ZNF699: variants seen among roughly 807,000 people sequenced by gnomAD.
ZNF699 encodes zinc finger protein 699.
Under a neutral mutation model 22.5 loss-of-function variants are expected in ZNF699, and 18 were observed. That is an observed-to-expected ratio of 0.80 (90% CI 0.55 to 1.19). The LOEUF is 1.19. ZNF699 is among the 50% of genes most tolerant of loss of function. The pLI, the probability that ZNF699 is intolerant of heterozygous loss-of-function variation, is 0.00. For missense variants in ZNF699, 670 were observed against 763.4 expected (o/e 0.88, Z 1.44); for synonymous variants, 241 against 262.3 (o/e 0.92, Z 0.78).
chr19:9,299,388 C>A (rs1225105715), intron 3 of ZNF699, among the ~76,000 whole-genome samples: 2 of 152,208 alleles, frequency 1.3e-5, no homozygotes, highest in Admixed American at 1.3e-4. Flanking sequence ...CCCGCCTCGG[C>A]CTCCCAAAGT....
chr19:9,295,197 C>G lies in ZNF699; in HGVS notation c.*278G>C. ...AATTTATCACCTTCAATGTTCCTAT[C>G]AGAAAACACTGGTAATCAACGAGCC... On this transcript the variant is annotated 3_prime_UTR_variant, in exon 6 of 6. Transcript: ENST00000591998. The G allele has an allele frequency of 2.5e-6, 1 of 406,480 alleles. No individual in the cohort carries two copies. The highest frequency in any genetic ancestry group is 4.3e-6 in the Non-Finnish European group (1 of 229,994). 25.2% of individuals were successfully genotyped at this position (406,480 alleles called of 1,614,324 possible). A position where few individuals can be genotyped will look rare whatever the true frequency, so the allele number is the denominator to read the frequency against.
At chr19:9,309,304 G>A (rs2066338785) in intron 1 of ZNF699, 46 bp downstream of exon 1, 2 of 151,774 alleles carry the variant, frequency 1.3e-5, no homozygotes, top group Admixed American at 1.3e-4. Context: ...GCATAAAGAG[G>A]GGACAGGAGG....
chr19:9,304,708 G>A (rs558444175), intron 2 of ZNF699, among the ~76,000 whole-genome samples: 23 of 152,236 alleles, frequency 1.5e-4, no homozygotes, highest in East Asian at 1.2e-3. Flanking sequence ...GACAGATCAC[G>A]AGGTCAGGAG....
intron 1 of ZNF699, among the ~76,000 whole-genome samples, chr19:9,307,414 T>C (rs1269058398): frequency 3.9e-5 from 6 of 152,184 alleles, no homozygotes; most frequent in Non-Finnish European, 7.3e-5. Context: ...ATGAATGTTA[T>C]AATATTTTGG....
chr19:9,308,263 G>A (rs4142945), intron 1 of ZNF699, among the ~76,000 whole-genome samples: 150,632 of 152,170 alleles, frequency 0.99, 74,557 homozygotes, highest in East Asian at 1. Flanking sequence ...ACAGATATGC[G>A]CCACTGCAGC....
intron 2 of ZNF699, 93 bp from the exon 3 acceptor site, chr19:9,302,597 G>C: frequency 7.3e-7 from 1 of 1,376,956 alleles, no homozygotes; most frequent in Non-Finnish European, 9.9e-7. Context: ...GGAAATGAGA[G>C]TCAATTCATA....
intron 1 of ZNF699, among the ~76,000 whole-genome samples, chr19:9,308,025 A>G (rs1413613124): frequency 6.6e-6 from 1 of 152,174 alleles, no homozygotes; most frequent in African/African-American, 2.4e-5. Context: ...ATAAAAGTTT[A>G]GAAAGAAAAT....
In ZNF699 at chr19:9,292,187, C is replaced by T. The variant is rs2066267739; in HGVS notation, c.*3288G>A. On this transcript the variant is annotated 3_prime_UTR_variant, in exon 6 of 6. Transcript: ENST00000591998. Reference sequence around the variant, plus strand: ...GATCCTACCTGCCCACTCCTTCCTCCTCCCCTCTGCATATGCCCCAAAACT... The same window carrying T: ...GATCCTACCTGCCCACTCCTTCCTCTTCCCCTCTGCATATGCCCCAAAACT... Among the ~76,000 whole-genome samples the T allele has an allele frequency of 6.6e-6, 1 of 152,150 alleles. No homozygotes were observed. Among genetic ancestry groups the T allele is most frequent in the Admixed American group, 6.5e-5 (1 of 15,268 alleles).
Position 9,295,524 on chromosome 19 carries a change from G to A in ZNF699, c.1880C>T (p.Pro627Leu). ...TTTCACATGCCTTCGAAAGTAGGCA[G>A]GACAAACAAAGGCTTTCCCACATTC... ...CKECGKAFVC[P>L]AYFRRHVKTH... Residue 627 changes from proline (P) to leucine (L), a missense_variant, in exon 6 of 6, where the codon CCT (proline) becomes CTT (leucine). Transcript: ENST00000591998. The A allele has an allele frequency of 6.2e-7, 1 of 1,613,686 alleles. No individual in the cohort carries two copies. The highest frequency in any genetic ancestry group is 1.7e-4 in the Middle Eastern group (1 of 6,060).
intron 3 of ZNF699, among the ~76,000 whole-genome samples, chr19:9,299,029 C>T (rs557423674): frequency 1.2e-4 from 18 of 152,352 alleles, no homozygotes; most frequent in South Asian, 2.1e-4. Context: ...CAAAAGTTAA[C>T]GCAAAATGGG....
chr19:9,303,956 T>C (rs1210592628), intron 2 of ZNF699, among the ~76,000 whole-genome samples: 1 of 152,002 alleles, frequency 6.6e-6, no homozygotes, highest in Admixed American at 6.6e-5. Context: ...TAGCTGGGAT[T>C]ACAGGCACGT....
At chr19:9,298,600 A>T (rs1324260634) in intron 3 of ZNF699, among the ~76,000 whole-genome samples, 1 of 152,218 alleles carries the variant, frequency 6.6e-6, no homozygotes, top group East Asian at 1.9e-4. Flanking sequence ...ATAATCTCAC[A>T]AAATACTAAT....
rs150340258 is a variant in ZNF699 at position 9,294,118 on chromosome 19, C to T, written c.*1357G>A. 6.6e-5 allele frequency among the ~76,000 whole-genome samples: 10 copies of T among 152,236 alleles called. No individual in the cohort carries two copies. Among genetic ancestry groups the T allele is most frequent in the South Asian group, 2.1e-4 (1 of 4,828 alleles). On this transcript the variant is annotated 3_prime_UTR_variant, in exon 6 of 6. Coordinates refer to ENST00000591998, the MANE Select transcript of ZNF699 (RefSeq NM_198535.3). Reference sequence around the variant, plus strand: ...TCCCCATGAATAGCATGACATGATGCGATTGGACTGTGTAAGAAAGACTGC... The same window carrying T: ...TCCCCATGAATAGCATGACATGATGTGATTGGACTGTGTAAGAAAGACTGC...
Position 9,295,131 on chromosome 19 carries a change from C to T in ZNF699, c.*344G>A. 1 of 231,928 alleles carries T rather than the reference C, an allele frequency of 4.3e-6. No individual in the cohort carries two copies. Among genetic ancestry groups the T allele is most frequent in the Admixed American group, 5.2e-5 (1 of 19,322 alleles). The allele number at this position is 231,928 out of a possible 1,614,324, so 14.4% of individuals were successfully genotyped here. A position where few individuals can be genotyped will look rare whatever the true frequency, so the allele number is the denominator to read the frequency against. Reference sequence around the variant, plus strand: ...ATTTACATCAGAACCAAAATTAAAGCACCTCATACTAAAAAGTATGTGGCT... The same window carrying T: ...ATTTACATCAGAACCAAAATTAAAGTACCTCATACTAAAAAGTATGTGGCT... On this transcript the variant is annotated 3_prime_UTR_variant, in exon 6 of 6. Coordinates refer to ENST00000591998, the MANE Select transcript of ZNF699 (RefSeq NM_198535.3).
rs2066267076 is a variant in ZNF699 at position 9,291,963 on chromosome 19, A to G, written c.*3512T>C. ...GTGATCCGCCCACCTCGGCCTCCCA[A>G]AGTGCTGGGATTATAGGCATGAGCC... On this transcript the variant is annotated 3_prime_UTR_variant, in exon 6 of 6. Coordinates refer to ENST00000591998, the MANE Select transcript of ZNF699 (RefSeq NM_198535.3). Among the ~76,000 whole-genome samples, 1 of 152,050 alleles carries G rather than the reference A, an allele frequency of 6.6e-6. No homozygotes were observed. The highest frequency in any genetic ancestry group is 2.4e-5 in the African/African-American group (1 of 41,390).
rs963466453 is a variant in ZNF699 at position 9,291,260 on chromosome 19, G to A, written c.*4215C>T. ...TAAAACCAATGCAATTACAGGCATA[G>A]TACCAAAAATTCATTTGTGAAAATT... is the stretch of plus-strand genomic sequence containing the variant. On this transcript the variant is annotated 3_prime_UTR_variant, in exon 6 of 6. Coordinates refer to ENST00000591998, the MANE Select transcript of ZNF699 (RefSeq NM_198535.3). Among the ~76,000 whole-genome samples, 1 of 152,084 alleles carries A rather than the reference G, an allele frequency of 6.6e-6. No individual in the cohort carries two copies. Among genetic ancestry groups the A allele is most frequent in the African/African-American group, 2.4e-5 (1 of 41,408 alleles).
chr19:9,303,715 C>T (rs190294096), intron 2 of ZNF699, among the ~76,000 whole-genome samples: 4 of 152,316 alleles, frequency 2.6e-5, no homozygotes, highest in Non-Finnish European at 4.4e-5. Flanking sequence ...GGCTTCCAGA[C>T]ACCAACCATC....
chr19:9,302,934 G>T (rs916073794), intron 2 of ZNF699, among the ~76,000 whole-genome samples: 3 of 152,068 alleles, frequency 2.0e-5, no homozygotes, highest in Admixed American at 2.0e-4. Context: ...GCTGAGGTGG[G>T]TGGGAGGATT....
Position 9,295,592 on chromosome 19 carries a change from C to T in ZNF699, c.1812G>A (p.Arg604=), listed in dbSNP as rs755047412. 53 of 1,592,150 alleles carry T rather than the reference C, an allele frequency of 3.3e-5. No homozygotes were observed. The East Asian group carries it at 1.1e-3, about 33-fold the overall frequency. Residue 604 remains arginine (R), a synonymous_variant, in exon 6 of 6, where the codon AGG becomes AGA. Transcript: ENST00000591998. ...TCTCTCCAGTGTGGCTTCTCACATG[C>T]CTTCGAAAGGATGAGGGACAACTGA... ...KAFSCPSSFR[R]HVRSHTGEKP... is the part of the protein sequence containing the mutation.
Sources: allele counts gnomAD v4.1 joint callset (sites outside exome capture counted in the v4.1 genomes callset), GRCh38; gene constraint gnomAD v4.1.1; transcripts MANE v1.5; gene names NCBI Gene and HGNC (gene_info 2026-07-23, HGNC 2026-07-21).